Variants in ARHGAP32 observed in about 807,000 individuals in gnomAD.
ARHGAP32 encodes Rho GTPase activating protein 32, also known as rho GTPase-activating protein 32.
A neutral mutation model predicts 186.5 loss-of-function variants in ARHGAP32; 51 were observed. The ratio of observed to expected loss-of-function variants is 0.27; its 90% CI spans 0.22 to 0.35. The LOEUF (loss-of-function observed/expected upper bound fraction) is 0.35, where lower values mean the gene tolerates loss of function less well. Among genes scored for constraint, ARHGAP32 ranks in the 10% least tolerant of loss-of-function variants. The pLI is 1.00. For missense variants in ARHGAP32, 2,186 were observed against 2,623.5 expected (o/e 0.83, Z 3.64); for synonymous variants, 950 against 964.3 (o/e 0.99, Z 0.27).
At chr11:129,059,458 C>G (rs1318118590) in intron 10 of ARHGAP32, among the ~76,000 whole-genome samples, 1 of 151,082 alleles carries the variant, frequency 6.6e-6, no homozygotes, top group African/African-American at 2.4e-5. Context: ...GCAAGGAATG[C>G]TGAACTGTGG....
chr11:129,179,729 G>C (rs1249138560), intron 1 of ARHGAP32, among the ~76,000 whole-genome samples: 2 of 151,642 alleles, frequency 1.3e-5, no homozygotes, highest in African/African-American at 4.8e-5. Flanking sequence ...TCACTCATAG[G>C]TGGGAACTGA....
rs7950079 is a variant in ARHGAP32 at position 129,029,003 on chromosome 11, G to A, written c.1045+11925C>T. On this transcript the variant is annotated intron_variant, in intron 11 of 22. Transcript: ENST00000682385. ...AAAGAATGACTGGAAATGCTACAAT[G>A]TAAGAGAGTTTGGGGATATTTTTTA... 1.1e-4 allele frequency among the ~76,000 whole-genome samples: 17 copies of A among 152,320 alleles called. No individual in the cohort carries two copies. The East Asian group carries it at 2.9e-3, about 26-fold the overall frequency.
At chr11:129,085,257 C>T (rs1003102499) in intron 6 of ARHGAP32, among the ~76,000 whole-genome samples, 4 of 152,056 alleles carry the variant, frequency 2.6e-5, no homozygotes, top group Non-Finnish European at 5.9e-5. Flanking sequence ...TAGCCTCAGT[C>T]GCCAAGCATT....
Position 129,000,494 on chromosome 11 carries a change from C to T in ARHGAP32, c.1046-2026G>A, listed in dbSNP as rs183374422. 5.3e-4 allele frequency among the ~76,000 whole-genome samples: 81 copies of T among 152,192 alleles called. 2 individuals carry two copies. The East Asian group carries it at 0.015, about 28-fold the overall frequency. On this transcript the variant is annotated intron_variant, in intron 11 of 22. Coordinates refer to ENST00000682385, the MANE Select transcript of ARHGAP32 (RefSeq NM_001378024.1). ...CCTACTATACATTTAAAAAAATTTT[C>T]ATGGGTACACAGTAGGTATATATAT...
chr11:129,159,182 A>G (rs901234223), intron 2 of ARHGAP32, among the ~76,000 whole-genome samples: 1 of 152,228 alleles, frequency 6.6e-6, no homozygotes, highest in African/African-American at 2.4e-5. Flanking sequence ...AAGAGCTAAC[A>G]GAAGACAAGA....
chr11:129,126,702 TAGTATTG>T (rs1433987079), intron 2 of ARHGAP32, among the ~76,000 whole-genome samples: 1 of 152,128 alleles, frequency 6.6e-6, no homozygotes, highest in East Asian at 1.9e-4. Flanking sequence ...TAGATGAATA[TAGTATTG>T]AGTATTAAGA....
chr11:129,064,073 T>C (rs768601895), intron 8 of ARHGAP32, 49 bp from the exon 9 acceptor site: 9 of 1,520,506 alleles, frequency 5.9e-6, no homozygotes, highest in South Asian at 1.3e-5. Flanking sequence ...GACTTGCAAA[T>C]GCTTCTTTGA....
intron 15 of ARHGAP32, 145 bp downstream of exon 15, chr11:128,985,858 G>GTGTGTGTATA (rs760311247): frequency 0.01 from 981 of 95,910 alleles, 6 homozygotes; most frequent in African/African-American, 0.012. Flanking sequence ...GTGTGTGTGT[G>GTGTGTGTATA]TATATATATA....
intron 2 of ARHGAP32, among the ~76,000 whole-genome samples, chr11:129,157,669 C>T (rs912424721): frequency 6.6e-6 from 1 of 152,080 alleles, no homozygotes; most frequent in African/African-American, 2.4e-5. Flanking sequence ...AGATATTATC[C>T]AGGAGAACTT....
intron 12 of ARHGAP32, among the ~76,000 whole-genome samples, chr11:128,996,516 T>G (rs1055271327): frequency 1.3e-5 from 2 of 152,140 alleles, no homozygotes; most frequent in Non-Finnish European, 2.9e-5. Flanking sequence ...CAAAACAAAA[T>G]CAATTCACAT....
chr11:129,181,926 C>G (rs1591679106), intron 1 of ARHGAP32, among the ~76,000 whole-genome samples: 1 of 152,132 alleles, frequency 6.6e-6, no homozygotes, highest in African/African-American at 2.4e-5. Flanking sequence ...AACTTTATTA[C>G]TATAGCTGCA....
intron 2 of ARHGAP32, among the ~76,000 whole-genome samples, chr11:129,163,688 T>A (rs1943575214): frequency 6.6e-6 from 1 of 152,164 alleles, no homozygotes; most frequent in South Asian, 2.1e-4. Flanking sequence ...TCTCTTTACT[T>A]CTTTTGCCTC....
At chr11:129,216,419 C>G (rs1437169421) in intron 1 of ARHGAP32, among the ~76,000 whole-genome samples, 2 of 152,038 alleles carry the variant, frequency 1.3e-5, no homozygotes, top group African/African-American at 2.4e-5. Flanking sequence ...CAGTGGCTCA[C>G]TCCTGTAATC....
At chr11:129,197,415 CATA>C (rs1292033746) in intron 1 of ARHGAP32, among the ~76,000 whole-genome samples, 1 of 152,146 alleles carries the variant, frequency 6.6e-6, no homozygotes, top group East Asian at 1.9e-4. Context: ...GTTCTCCCAT[CATA>C]ATAATTGTTT....
intron 1 of ARHGAP32, among the ~76,000 whole-genome samples, chr11:129,203,300 T>C (rs1159181777): frequency 6.6e-6 from 1 of 152,210 alleles, no homozygotes; most frequent in African/African-American, 2.4e-5. Context: ...ATTACATATA[T>C]TGGCTAAATA....
At chr11:129,235,854 C>G (rs1401241860) in intron 1 of ARHGAP32, among the ~76,000 whole-genome samples, 3 of 151,442 alleles carry the variant, frequency 2.0e-5, no homozygotes, top group African/African-American at 7.3e-5. Flanking sequence ...GAATAATAGT[C>G]TCCAATTCCA....
At chr11:129,144,755 A>AG (rs1282418722) in intron 2 of ARHGAP32, among the ~76,000 whole-genome samples, 1 of 152,198 alleles carries the variant, frequency 6.6e-6, no homozygotes, top group Non-Finnish European at 1.5e-5. Context: ...AGAAGACTGA[A>AG]GGAAAAAACA....
chr11:129,047,354 C>A (rs1017407899), intron 10 of ARHGAP32, among the ~76,000 whole-genome samples: 7 of 152,156 alleles, frequency 4.6e-5, no homozygotes, highest in African/African-American at 1.7e-4. Context: ...CCTCTCAGGT[C>A]TCTAGTGTTG....
At chr11:129,011,906 C>CA (rs1284803048) in intron 11 of ARHGAP32, among the ~76,000 whole-genome samples, 14 of 151,904 alleles carry the variant, frequency 9.2e-5, no homozygotes, top group Admixed American at 9.2e-4. Context: ...TTCACCCACA[C>CA]AAATATGCAT....
Sources: gnomAD v4.1 joint callset for allele counts (sites outside exome capture counted in the v4.1 genomes callset) on GRCh38, gnomAD v4.1.1 for gene constraint, MANE v1.5 for transcripts, NCBI Gene and HGNC (gene_info 2026-07-23, HGNC 2026-07-21) for gene names.